The following RP1 variants were observed in gnomAD, a reference collection of about 807,000 sequenced individuals.
RP1 encodes oxygen-regulated protein 1.
Under a neutral mutation model 14.8 loss-of-function variants are expected in RP1, and 16 were observed. The observed-to-expected ratio is 1.08, with a 90% CI of 0.73 to 1.65. RP1 has a LOEUF of 1.65. Ranked by LOEUF, RP1 falls within the 40% of genes most tolerant of loss-of-function variation. RP1 has a pLI of 0.00. For synonymous variants in RP1, 876 were observed against 883.6 expected (o/e 0.99, Z 0.15); for missense variants, 2,631 against 2,535.0 (o/e 1.04, Z -0.81).
intron 12 of RP1, among the ~76,000 whole-genome samples, chr8:54,689,640 A>G (rs1807661365): frequency 6.6e-6 from 1 of 152,140 alleles, no homozygotes; most frequent in Non-Finnish European, 1.5e-5. Context: ...TAAAGTAGAA[A>G]TAATAACAAA....
At chr8:54,722,180 TGAG>T (rs1808551118) in intron 16 of RP1, among the ~76,000 whole-genome samples, 1 of 149,678 alleles carries the variant, frequency 6.7e-6, no homozygotes, top group South Asian at 2.1e-4. Flanking sequence ...TGCAGTGAGC[TGAG>T]AACGCTCCCC....
At chr8:54,559,886 G>C (rs1222442068) in intron 1 of RP1, among the ~76,000 whole-genome samples, 1 of 152,182 alleles carries the variant, frequency 6.6e-6, no homozygotes, top group Non-Finnish European at 1.5e-5. Context: ...AGATGAGATG[G>C]GGTGGGGACA....
intron 12 of RP1, among the ~76,000 whole-genome samples, chr8:54,698,094 G>A (rs1807914965): frequency 6.6e-6 from 1 of 152,182 alleles, no homozygotes. Context: ...TATCATCAGA[G>A]TGAACAGGCC....
At chr8:54,789,962 G>A (rs1563377224) in intron 24 of RP1, among the ~76,000 whole-genome samples, 1 of 152,202 alleles carries the variant, frequency 6.6e-6, no homozygotes, top group South Asian at 2.1e-4. Flanking sequence ...CCAGCCATGA[G>A]CACTGTCTGG....
At chr8:54,565,888 C>T (rs1179701558) in intron 1 of RP1, among the ~76,000 whole-genome samples, 1 of 152,166 alleles carries the variant, frequency 6.6e-6, no homozygotes, top group Admixed American at 6.5e-5. Flanking sequence ...GGGTTGGCTC[C>T]TCCTGAGGCT....
intron 24 of RP1, among the ~76,000 whole-genome samples, chr8:54,793,000 A>C (rs1429445648): frequency 2.6e-5 from 4 of 151,866 alleles, no homozygotes; most frequent in Non-Finnish European, 5.9e-5. Context: ...ATGAAAAAGA[A>C]GACATTACAA....
chr8:54,663,811 A>C, exon 7 of RP1: 1 of 1,532,386 alleles, frequency 6.5e-7, no homozygotes, highest in African/African-American at 1.4e-5. Context: ...CCAGACAACT[A>C]TTTAGATCGA....
intron 7 of RP1, among the ~76,000 whole-genome samples, chr8:54,665,203 T>A (rs114945652): frequency 0.029 from 4,377 of 152,276 alleles, 122 homozygotes; most frequent in African/African-American, 0.064. Flanking sequence ...TGGAAATTAA[T>A]CTTGTTCTTT....
intron 19 of RP1, among the ~76,000 whole-genome samples, chr8:54,744,280 G>A (rs1333026504): frequency 6.6e-6 from 1 of 152,132 alleles, no homozygotes; most frequent in East Asian, 1.9e-4. Context: ...GCAGTAATCT[G>A]TCCAGAAGCC....
At chr8:54,848,198 C>T (rs562663906) in intron 25 of RP1, among the ~76,000 whole-genome samples, 1 of 152,112 alleles carries the variant, frequency 6.6e-6, no homozygotes, top group South Asian at 2.1e-4. Flanking sequence ...AGCAAAAGTT[C>T]CTGAGTGAGG....
At position 54,769,792 on chromosome 8, in the gene RP1, T is replaced by A. The variant is rs1193901426; in HGVS notation, c.3300T>A (p.Tyr1100Ter). The A allele has an allele frequency of 3.9e-6, 6 of 1,533,564 alleles. No individual in the cohort carries two copies. The African/African-American group carries it at 5.5e-5, about 14-fold the overall frequency. 95.0% of individuals were successfully genotyped at this position (1,533,564 alleles called of 1,614,324 possible). Residue 1100 changes from tyrosine to a stop codon, truncating the protein, a stop_gained, in exon 23 of 23, where the codon TAT (tyrosine) becomes TAA (stop). Transcript: ENST00000636932. LOFTEE classifies it high-confidence loss of function. ...TAATTCATTCAGAAATTGAACTTTA[T>A]CTTCAAGGTGAGGATTACTGAAACC...
At chr8:54,766,687 A>G (rs1040207482) in intron 22 of RP1, among the ~76,000 whole-genome samples, 1 of 152,160 alleles carries the variant, frequency 6.6e-6, no homozygotes, top group African/African-American at 2.4e-5. Context: ...CCCCAGCAAA[A>G]CACCCTATAT....
intron 7 of RP1, among the ~76,000 whole-genome samples, chr8:54,669,976 A>G (rs1807114672): frequency 6.6e-6 from 1 of 152,144 alleles, no homozygotes; most frequent in African/African-American, 2.4e-5. Context: ...ATGTATACCT[A>G]TGTAACAAAC....
intron 24 of RP1, among the ~76,000 whole-genome samples, chr8:54,833,765 A>AT (rs56381344): frequency 0.01 from 1,559 of 152,154 alleles, 17 homozygotes; most frequent in Middle Eastern, 0.041. Flanking sequence ...TTATTGTTAA[A>AT]TTAAAAAAAT....
At position 54,834,896 on chromosome 8, in the gene RP1, T is replaced by C. The variant is rs539505491; in HGVS notation, c.3616-2554T>C. Among the ~76,000 whole-genome samples the C allele has an allele frequency of 1.5e-3, 236 of 152,302 alleles. 1 individual carries two copies. The highest frequency in any genetic ancestry group is 5.1e-3 in the African/African-American group (210 of 41,572). ...ATAAAATGTCCCAGATTGAATTCAGTGATCACAAAGCTAATTGGTGTTCCA... is the reference window on the plus strand; with the variant it reads ...ATAAAATGTCCCAGATTGAATTCAGCGATCACAAAGCTAATTGGTGTTCCA... On this transcript the variant is annotated intron_variant, in intron 24 of 28. Transcript: ENST00000637698.
intron 14 of RP1, among the ~76,000 whole-genome samples, chr8:54,706,179 A>G (rs886518798): frequency 2.0e-5 from 3 of 152,206 alleles, no homozygotes; most frequent in Non-Finnish European, 4.4e-5. Context: ...TAAGAGAAAT[A>G]TATGTGTTTT....
chr8:54,792,532 ACT>A (rs1013527714), intron 24 of RP1, among the ~76,000 whole-genome samples: 47 of 152,018 alleles, frequency 3.1e-4, no homozygotes, highest in African/African-American at 1.1e-3. Flanking sequence ...ATAGTATGAA[ACT>A]CAACGTAAAT....
intron 3 of RP1, among the ~76,000 whole-genome samples, chr8:54,623,810 G>A (rs428854): frequency 0.22 from 33,498 of 152,088 alleles, 4,268 homozygotes; most frequent in East Asian, 0.42. Context: ...CTTTCATAAA[G>A]CTATGGATAC....
At chr8:54,814,273 G>C (rs552630197) in intron 24 of RP1, among the ~76,000 whole-genome samples, 1 of 151,848 alleles carries the variant, frequency 6.6e-6, no homozygotes, top group South Asian at 2.1e-4. Flanking sequence ...AAAATGAATG[G>C]GCCCATGAAA....
Sources: allele counts gnomAD v4.1 joint callset (sites outside exome capture counted in the v4.1 genomes callset), GRCh38; gene constraint gnomAD v4.1.1; transcripts MANE v1.5; gene names NCBI Gene and HGNC (gene_info 2026-07-23, HGNC 2026-07-21).